Variants in LY86 observed in about 807,000 individuals in gnomAD.
The protein encoded by LY86 is MD-1, RP105-associated.
A neutral mutation model predicts 17.3 loss-of-function variants in LY86; 20 were observed. The observed-to-expected ratio is 1.15, with a 90% CI of 0.81 to 1.68. The LOEUF is 1.68. Ranked by LOEUF, LY86 falls within the 40% of genes most tolerant of loss-of-function variation. The pLI, the probability that LY86 is intolerant of heterozygous loss-of-function variation, is 0.00. For missense variants in LY86, 200 were observed against 191.9 expected (o/e 1.04, Z -0.25); for synonymous variants, 74 against 70.6 (o/e 1.05, Z -0.24).
intron 1 of LY86, among the ~76,000 whole-genome samples, chr6:6,620,492 A>G (rs945468456): frequency 6.6e-6 from 1 of 152,222 alleles, no homozygotes; most frequent in Non-Finnish European, 1.5e-5. Flanking sequence ...ACTTAGGGAC[A>G]TACATCCAAG....
At chr6:6,599,169 T>A (rs1325082393) in intron 1 of LY86, among the ~76,000 whole-genome samples, 1 of 152,252 alleles carries the variant, frequency 6.6e-6, no homozygotes, top group East Asian at 1.9e-4. Flanking sequence ...TGAGGCTCCG[T>A]GCTCATCTAA....
At chr6:6,605,160 A>G (rs923407086) in intron 1 of LY86, among the ~76,000 whole-genome samples, 3 of 152,220 alleles carry the variant, frequency 2.0e-5, no homozygotes, top group Non-Finnish European at 4.4e-5. Context: ...AACTTTATCA[A>G]TGAATGTAAT....
chr6:6,635,893 C>T (rs947789484), intron 3 of LY86, among the ~76,000 whole-genome samples: 2 of 152,240 alleles, frequency 1.3e-5, no homozygotes, highest in African/African-American at 4.8e-5. Context: ...TAGCTGCAGG[C>T]AGCATGTTAC....
chr6:6,589,830 C>G (rs543202831), intron 1 of LY86, among the ~76,000 whole-genome samples: 1 of 152,182 alleles, frequency 6.6e-6, no homozygotes, highest in East Asian at 1.9e-4. Context: ...TCTTTAAAGA[C>G]CCTATCTCCA....
intron 3 of LY86, among the ~76,000 whole-genome samples, chr6:6,641,379 C>T (rs1157925826): frequency 1.3e-5 from 2 of 152,186 alleles, no homozygotes; most frequent in Non-Finnish European, 2.9e-5. Context: ...AAAACAAAGA[C>T]AGAGTTCACC....
intron 1 of LY86, among the ~76,000 whole-genome samples, chr6:6,617,656 G>C (rs1761585405): frequency 6.6e-6 from 1 of 152,110 alleles, no homozygotes; most frequent in Non-Finnish European, 1.5e-5. Context: ...GAGCCAAGTT[G>C]CTCTTCCTAT....
chr6:6,593,949 G>C, intron 1 of LY86, among the ~76,000 whole-genome samples: 1 of 152,232 alleles, frequency 6.6e-6, no homozygotes, highest in Non-Finnish European at 1.5e-5. Flanking sequence ...TGAGAGTGAA[G>C]GTTAGATTGT....
At chr6:6,649,763 C>G in intron 4 of LY86, 86 bp downstream of exon 4, 1 of 830,514 alleles carries the variant, frequency 1.2e-6, no homozygotes, top group Non-Finnish European at 2.0e-6. Flanking sequence ...GAGGAGAAAC[C>G]AAGAAAGAAG....
chr6:6,629,753 C>T (rs543378107), intron 3 of LY86, among the ~76,000 whole-genome samples: 1 of 152,358 alleles, frequency 6.6e-6, no homozygotes, highest in Admixed American at 6.5e-5. Context: ...GCAAGCATCA[C>T]ATTGGATTCA....
intron 3 of LY86, among the ~76,000 whole-genome samples, chr6:6,646,783 T>G (rs1762114015): frequency 6.6e-6 from 1 of 152,172 alleles, no homozygotes; most frequent in Admixed American, 6.5e-5. Flanking sequence ...AGCCTTCACT[T>G]TCTCTTCTTT....
At chr6:6,649,208 T>C (rs1762150241) in intron 3 of LY86, among the ~76,000 whole-genome samples, 1 of 152,206 alleles carries the variant, frequency 6.6e-6, no homozygotes, top group Admixed American at 6.5e-5. Context: ...CTCATGCGAC[T>C]TATTCACTAT....
intron 1 of LY86, among the ~76,000 whole-genome samples, chr6:6,605,086 G>A (rs1761060361): frequency 6.6e-6 from 1 of 150,544 alleles, no homozygotes; most frequent in South Asian, 2.1e-4. Flanking sequence ...GAACTTTAAA[G>A]GGTACTTGAA....
At chr6:6,626,971 C>G (rs561352598) in intron 3 of LY86, among the ~76,000 whole-genome samples, 52 of 152,346 alleles carry the variant, frequency 3.4e-4, no homozygotes, top group African/African-American at 1.2e-3. Context: ...CAACCCTCTA[C>G]CGCCTGCCAT....
rs563301968 is a variant in LY86, at chr6:6,611,730, G to A, written c.137-13196G>A. Among the ~76,000 whole-genome samples, 10 of 152,332 alleles carry A rather than the reference G, an allele frequency of 6.6e-5. No individual in the cohort carries two copies. In the South Asian group the frequency reaches 2.1e-3, roughly 32 times the overall value. On this transcript the variant is annotated intron_variant, in intron 1 of 4. Transcript: ENST00000230568. ...CTTTCTCCTGAAAGTCAGGGGCTATGCTTAAGACTAAATCACCTTTGTATC... is the reference window on the plus strand; with the variant it reads ...CTTTCTCCTGAAAGTCAGGGGCTATACTTAAGACTAAATCACCTTTGTATC...
intron 1 of LY86, among the ~76,000 whole-genome samples, chr6:6,607,570 A>G (rs1435393308): frequency 6.6e-6 from 1 of 152,210 alleles, no homozygotes; most frequent in East Asian, 1.9e-4. Flanking sequence ...GGCATAAAGA[A>G]AGAAAACCCA....
intron 1 of LY86, among the ~76,000 whole-genome samples, chr6:6,606,413 C>A (rs965731104): frequency 6.6e-6 from 1 of 152,230 alleles, no homozygotes; most frequent in Non-Finnish European, 1.5e-5. Flanking sequence ...GCTTCACCCA[C>A]TGGATCCTGC....
At chr6:6,624,895 C>T (rs771616229) in intron 1 of LY86, 31 bp from the exon 2 acceptor site, 3 of 1,045,186 alleles carry the variant, frequency 2.9e-6, no homozygotes, top group South Asian at 2.8e-5. Context: ...ACGATGTACT[C>T]GCAACTAATC....
At chr6:6,628,260 C>T (rs1011389623) in intron 3 of LY86, among the ~76,000 whole-genome samples, 1 of 141,130 alleles carries the variant, frequency 7.1e-6, no homozygotes, top group Non-Finnish European at 1.5e-5. Flanking sequence ...CCCTCCCTCC[C>T]TCCCCTTCCT....
intron 1 of LY86, among the ~76,000 whole-genome samples, chr6:6,606,802 C>G (rs182382037): frequency 2.4e-4 from 36 of 152,390 alleles, no homozygotes; most frequent in African/African-American, 6.5e-4. Flanking sequence ...CCGCTTACGC[C>G]TCTCCCTCCA....
Sources: allele counts gnomAD v4.1 joint callset (sites outside exome capture counted in the v4.1 genomes callset), GRCh38; gene constraint gnomAD v4.1.1; transcripts MANE v1.5; gene names NCBI Gene and HGNC (gene_info 2026-07-23, HGNC 2026-07-21).